Variants in NTN4 observed in about 807,000 individuals in gnomAD.
NTN4 encodes netrin 4.
Under a neutral mutation model 73.6 loss-of-function variants are expected in NTN4, and 32 were observed. The observed-to-expected ratio is 0.44, with a 90% CI of 0.33 to 0.58. The LOEUF (loss-of-function observed/expected upper bound fraction) is 0.58. NTN4 is among the 20% of genes least tolerant of loss of function. The pLI is 0.04. For synonymous variants in NTN4, 258 were observed against 287.5 expected, an observed-to-expected ratio of 0.90 and a Z score of 1.04; for missense variants, 654 against 798.3, an observed-to-expected ratio of 0.82 and a Z score of 2.18.
chr12:95,677,108 C>T (rs1036715821), intron 7 of NTN4, among the ~76,000 whole-genome samples: 2 of 151,866 alleles, frequency 1.3e-5, no homozygotes, highest in African/African-American at 2.4e-5. Context: ...TGGTGGCATG[C>T]GCCTGTAGTC....
Position 95,787,468 on chromosome 12 carries a change from C to T in NTN4, c.56G>A (p.Gly19Glu). ...ACTCACTCCAGCTACTCCACTCAGTCCTAAGAAAGGGAAAGCATGCATGAT... is the reference window on the plus strand; with the variant it reads ...ACTCACTCCAGCTACTCCACTCAGTTCTAAGAAAGGGAAAGCATGCATGAT... ...LLWGCTVVAA[G>E]LSGVAGVSSR... Residue 19 changes from glycine to glutamate, a missense_variant and splice_region_variant, in exon 2 of 10, where the codon GGA (glycine) becomes GAA (glutamate). Transcript: ENST00000343702. 6.2e-7 allele frequency: 1 copy of T among 1,612,796 alleles called. No individual in the cohort carries two copies. The highest frequency in any genetic ancestry group is 1.3e-5 in the African/African-American group (1 of 75,018).
chr12:95,769,550 C>CAAAAA (rs60702860), intron 2 of NTN4, among the ~76,000 whole-genome samples: 1 of 130,392 alleles, frequency 7.7e-6, no homozygotes, highest in South Asian at 2.3e-4. Context: ...ATTTATAGAC[C>CAAAAA]AAAAAAAAAA....
At position 95,790,203 on chromosome 12, in the gene NTN4, G is replaced by A; in HGVS notation, c.55+52C>T. The A allele has an allele frequency of 1.3e-6, 2 of 1,490,680 alleles. No individual in the cohort carries two copies. Among genetic ancestry groups the A allele is most frequent in the Non-Finnish European group, 1.8e-6 (2 of 1,107,900 alleles). The allele number at this position is 1,490,680 out of a possible 1,614,324, so 92.3% of individuals were successfully genotyped here. ...CCTGCACCCCCGAGTCCCGAGATGG[G>A]TTAGAGAAGCAGCGAGGGAAGGGGT... On this transcript the variant is annotated intron_variant, in intron 1 of 9. Coordinates refer to ENST00000343702, the MANE Select transcript of NTN4 (RefSeq NM_021229.4). This position sits in a 1 kb window ranked among gnomAD's most constrained non-coding sequence, Gnocchi z 6.5.
intron 3 of NTN4, among the ~76,000 whole-genome samples, chr12:95,723,019 A>G (rs1274073821): frequency 6.6e-6 from 1 of 150,580 alleles, no homozygotes; most frequent in Non-Finnish European, 1.5e-5. Context: ...TTAAAACTAT[A>G]TAATTGGCTC....
chr12:95,772,850 G>A (rs1406241747), intron 2 of NTN4, among the ~76,000 whole-genome samples: 1 of 152,036 alleles, frequency 6.6e-6, no homozygotes, highest in African/African-American at 2.4e-5. Flanking sequence ...TATTGCAATA[G>A]GATTCTAAAT....
In NTN4 at chr12:95,780,398, T is replaced by C. The variant is rs559487562; in HGVS notation, c.585+6541A>G. Among the ~76,000 whole-genome samples, 82 of 152,158 alleles carry C rather than the reference T, an allele frequency of 5.4e-4. No individual in the cohort carries two copies. The East Asian group carries it at 0.012, about 22-fold the overall frequency. On this transcript the variant is annotated intron_variant, in intron 2 of 9. Transcript: ENST00000343702. ...ATGAGAGAAAATTTTTGCAACCTAC[T>C]CATCTGACAAAGGGCTAATATCCAG...
At chr12:95,765,663 C>A (rs2079016427) in intron 2 of NTN4, among the ~76,000 whole-genome samples, 2 of 152,146 alleles carry the variant, frequency 1.3e-5, no homozygotes, top group Admixed American at 1.3e-4. Flanking sequence ...GAGGCACCCA[C>A]ATATTTGTCG....
chr12:95,667,239 G>A (rs1270594854), intron 8 of NTN4, among the ~76,000 whole-genome samples: 1 of 150,520 alleles, frequency 6.6e-6, no homozygotes, highest in East Asian at 1.9e-4. Context: ...ATCCAGGCTG[G>A]AGTACAATGG....
At position 95,752,982 on chromosome 12, in the gene NTN4, A is replaced by G. The variant is rs564326619; in HGVS notation, c.586-14838T>C. On this transcript the variant is annotated intron_variant, in intron 2 of 9. Coordinates refer to ENST00000343702, the MANE Select transcript of NTN4 (RefSeq NM_021229.4). ...CTGTGCTCGCTCTTTAAGTCCCACA[A>G]TGACCATTGTTCCTGGTCCGGACTT... 1.3e-4 allele frequency among the ~76,000 whole-genome samples: 20 copies of G among 152,294 alleles called. No individual in the cohort carries two copies. The South Asian group carries it at 2.5e-3, about 19-fold the overall frequency.
chr12:95,785,042 G>A (rs990778356), intron 2 of NTN4, among the ~76,000 whole-genome samples: 1 of 152,168 alleles, frequency 6.6e-6, no homozygotes, highest in Non-Finnish European at 1.5e-5. Context: ...TGCTAAATGA[G>A]CATGCCTGCC....
At chr12:95,676,358 C>A (rs765239527) in intron 7 of NTN4, among the ~76,000 whole-genome samples, 1 of 151,936 alleles carries the variant, frequency 6.6e-6, no homozygotes, top group Non-Finnish European at 1.5e-5. Flanking sequence ...CCACCCACTT[C>A]GGCCTCCCAA....
At chr12:95,785,996 C>T (rs1342003218) in intron 2 of NTN4, among the ~76,000 whole-genome samples, 1 of 152,108 alleles carries the variant, frequency 6.6e-6, no homozygotes, top group Non-Finnish European at 1.5e-5. Context: ...TGGTGTTCCT[C>T]CCCCTAGCAA....
At chr12:95,689,116 A>G (rs981073331) in intron 5 of NTN4, among the ~76,000 whole-genome samples, 26 of 152,252 alleles carry the variant, frequency 1.7e-4, no homozygotes, top group Middle Eastern at 3.4e-3. Context: ...GAGAACCACT[A>G]CAATAGAGCA....
chr12:95,665,638 A>C (rs544277509), intron 9 of NTN4, 172 bp downstream of exon 9: 118 of 500,420 alleles, frequency 2.4e-4, no homozygotes, highest in Non-Finnish European at 3.1e-4. Flanking sequence ...AAGAGAAATA[A>C]TTTTTCGATG....
chr12:95,704,145 T>C (rs2078506955), intron 5 of NTN4, among the ~76,000 whole-genome samples: 1 of 152,160 alleles, frequency 6.6e-6, no homozygotes, highest in South Asian at 2.1e-4. Context: ...TCAGAGGTTC[T>C]GAATTGCTAA....
chr12:95,761,513 A>G (rs1347623288), intron 2 of NTN4, among the ~76,000 whole-genome samples: 1 of 151,758 alleles, frequency 6.6e-6, no homozygotes, highest in East Asian at 1.9e-4. Context: ...TTGTATTTTT[A>G]GTAGAGATGG....
chr12:95,702,842 G>GCT (rs1555215978), intron 5 of NTN4, among the ~76,000 whole-genome samples: 1 of 125,578 alleles, frequency 8.0e-6, no homozygotes, highest in Non-Finnish European at 1.6e-5. Context: ...GTTTTCAATG[G>GCT]TTTTTTTTTT....
intron 9 of NTN4, among the ~76,000 whole-genome samples, chr12:95,661,028 G>A (rs896102362): frequency 1.6e-4 from 25 of 152,154 alleles, no homozygotes; most frequent in African/African-American, 6.0e-4. Flanking sequence ...GCAGGAAGGG[G>A]TTATAACTTG....
At chr12:95,674,614 A>C (rs909649928) in intron 7 of NTN4, among the ~76,000 whole-genome samples, 4 of 152,162 alleles carry the variant, frequency 2.6e-5, no homozygotes, top group Admixed American at 2.0e-4. Flanking sequence ...AAGTGGTAGA[A>C]ATTAAGGGTG....
Sources: allele counts gnomAD v4.1 joint callset (sites outside exome capture counted in the v4.1 genomes callset), GRCh38; gene constraint gnomAD v4.1.1; non-coding constraint Gnocchi (gnomAD v3.1); transcripts MANE v1.5; gene names NCBI Gene and HGNC (gene_info 2026-07-23, HGNC 2026-07-21).